Variants in ABCB1 observed in about 807,000 individuals in gnomAD.
ABCB1 encodes the protein ATP binding cassette subfamily B member 1, also known as ATP-dependent translocase ABCB1.
Under a neutral mutation model 142.0 loss-of-function variants are expected in ABCB1, and 69 were observed. The observed-to-expected ratio is 0.49, with a 90% CI of 0.40 to 0.59. ABCB1 has a LOEUF of 0.59. Among genes scored for constraint, ABCB1 ranks in the 20% least tolerant of loss-of-function variants. The pLI is 0.00. For synonymous variants in ABCB1, 532 were observed against 539.2 expected (o/e 0.99, Z 0.18); for missense variants, 1,326 against 1,554.7 (o/e 0.85, Z 2.47).
intron 3 of ABCB1, among the ~76,000 whole-genome samples, chr7:87,586,821 G>T (rs574822740): frequency 6.6e-6 from 1 of 152,252 alleles, no homozygotes; most frequent in South Asian, 2.1e-4. Context: ...AGTAATGAAT[G>T]GCAGTCCATA....
At chr7:87,634,613 T>C (rs1384589473) in intron 1 of ABCB1, among the ~76,000 whole-genome samples, 1 of 148,418 alleles carries the variant, frequency 6.7e-6, no homozygotes, top group Admixed American at 6.8e-5. Flanking sequence ...GGAGAAAGAG[T>C]GAGACTCTTG....
chr7:87,676,629 A>C (rs1388591318), intron 1 of ABCB1, among the ~76,000 whole-genome samples: 1 of 145,288 alleles, frequency 6.9e-6, no homozygotes, highest in East Asian at 2.1e-4. Context: ...GCTTGAACCT[A>C]GGAGGCAGAG....
chr7:87,546,905 T>A (rs1203931351), intron 14 of ABCB1, among the ~76,000 whole-genome samples: 1 of 152,232 alleles, frequency 6.6e-6, no homozygotes, highest in East Asian at 1.9e-4. Context: ...AGTATTTACT[T>A]CTTAGAGTAG....
chr7:87,524,261 T>C (rs777554349), intron 21 of ABCB1, among the ~76,000 whole-genome samples: 2 of 152,168 alleles, frequency 1.3e-5, no homozygotes, highest in Non-Finnish European at 2.9e-5. Flanking sequence ...GATTGAATTA[T>C]GTTTACCACA....
At chr7:87,655,596 G>A (rs1287282645) in intron 1 of ABCB1, among the ~76,000 whole-genome samples, 2 of 152,028 alleles carry the variant, frequency 1.3e-5, no homozygotes, top group Admixed American at 1.3e-4. Context: ...GTTGGTTAAA[G>A]GATATAAAAA....
intron 4 of ABCB1, among the ~76,000 whole-genome samples, chr7:87,582,595 C>T (rs537314592): frequency 6.6e-6 from 1 of 152,162 alleles, no homozygotes; most frequent in Non-Finnish European, 1.5e-5. Context: ...CAACCTTTTT[C>T]TATAAAGGGC....
intron 1 of ABCB1, among the ~76,000 whole-genome samples, chr7:87,646,218 T>C (rs1822983763): frequency 6.6e-6 from 1 of 152,232 alleles, no homozygotes; most frequent in Non-Finnish European, 1.5e-5. Flanking sequence ...GTGCATTTTG[T>C]TGACTACTGA....
chr7:87,604,264 C>G (rs1284808662), upstream of ABCB1, among the ~76,000 whole-genome samples: 4 of 152,068 alleles, frequency 2.6e-5, no homozygotes, highest in Non-Finnish European at 5.9e-5. Context: ...CCTAGCTCCT[C>G]TATTTAGCCC....
chr7:87,637,953 A>C (rs767895716), intron 1 of ABCB1, among the ~76,000 whole-genome samples: 1 of 152,088 alleles, frequency 6.6e-6, no homozygotes, highest in African/African-American at 2.4e-5. Flanking sequence ...AACGTTCAAA[A>C]TTTTATTATT....
intron 26 of ABCB1, 195 bp from the exon 27 acceptor site, chr7:87,506,238 A>C (rs1450965503): frequency 1.7e-6 from 1 of 593,278 alleles, no homozygotes; most frequent in Non-Finnish European, 3.0e-6. Flanking sequence ...TTGAAAATAA[A>C]TGTTTGGGCC....
intron 3 of ABCB1, among the ~76,000 whole-genome samples, chr7:87,594,413 T>A (rs1158580101): frequency 1.3e-5 from 2 of 152,220 alleles, no homozygotes. Context: ...CATATTTTTA[T>A]TCTTTTGTGC....
At chr7:87,696,281 G>A (rs1028744603) in intron 1 of ABCB1, among the ~76,000 whole-genome samples, 1 of 152,052 alleles carries the variant, frequency 6.6e-6, no homozygotes, top group African/African-American at 2.4e-5. Flanking sequence ...ATTTTTAAAG[G>A]AAGTCAAAGT....
intron 1 of ABCB1, among the ~76,000 whole-genome samples, chr7:87,626,281 ATGTGTCATATATG>A (rs1286049691): frequency 7.0e-5 from 4 of 57,468 alleles, no homozygotes; most frequent in Admixed American, 2.1e-4. Flanking sequence ...TGTCATATAT[ATGTGTCATATATG>A]TGTCATATAT....
At position 87,558,050 on chromosome 7, in the gene ABCB1, A is replaced by C. The variant is rs536095052; in HGVS notation, c.827+3213T>G. On this transcript the variant is annotated intron_variant, in intron 8 of 27. Transcript: ENST00000622132. ...GCACCAACCAGGTGAAGGAAGGAAA[A>C]AAACCTCCCTGAGAATCTGGACCAC... 5.3e-5 allele frequency among the ~76,000 whole-genome samples: 8 copies of C among 152,276 alleles called. 1 individual carries two copies. In the South Asian group the frequency reaches 1.7e-3, roughly 32 times the overall value.
At chr7:87,529,408 C>T (rs1261659897) in intron 21 of ABCB1, among the ~76,000 whole-genome samples, 4 of 152,122 alleles carry the variant, frequency 2.6e-5, no homozygotes, top group Non-Finnish European at 5.9e-5. Context: ...TGGTGCAGAT[C>T]CACTACTTTC....
Position 87,684,746 on chromosome 7 carries a change from CAAAAAAAAAAAAA to C in ABCB1, c.-331+28402_-331+28414del, listed in dbSNP as rs71524694. Among the ~76,000 whole-genome samples, 155 of 37,806 alleles carry C rather than the reference CAAAAAAAAAAAAA, an allele frequency of 4.1e-3. 1 individual carries two copies. The highest frequency in any genetic ancestry group is 0.024 in the Middle Eastern group (1 of 42). The allele number at this position is 37,806 out of a possible 152,430, so 24.8% of individuals were successfully genotyped here. On this transcript the variant is annotated intron_variant, in intron 1 of 28. Coordinates refer to the ABCB1 transcript ENST00000265724. ...CTGGTGACAGAGTGAGACTCCGTCT[CAAAAAAAAAAAAA>C]AAAAAAAAAAAAAAGAATAGAATAG...
At chr7:87,614,854 G>C (rs767481759) in intron 1 of ABCB1, among the ~76,000 whole-genome samples, 1 of 151,406 alleles carries the variant, frequency 6.6e-6, no homozygotes, top group Non-Finnish European at 1.5e-5. Flanking sequence ...TTTTTGGTGG[G>C]GGGGGCCGGG....
At chr7:87,544,572 A>T (rs1000618379) in intron 16 of ABCB1, among the ~76,000 whole-genome samples, 1 of 152,226 alleles carries the variant, frequency 6.6e-6, no homozygotes, top group Non-Finnish European at 1.5e-5. Context: ...AGGAGTAAAC[A>T]GAATGGAAAT....
intron 1 of ABCB1, among the ~76,000 whole-genome samples, chr7:87,636,228 C>A (rs1821757233): frequency 6.6e-6 from 1 of 152,082 alleles, no homozygotes; most frequent in Non-Finnish European, 1.5e-5. Flanking sequence ...TGTTCTGTAT[C>A]CTAACTAATG....
Sources: gnomAD v4.1 joint callset for allele counts (sites outside exome capture counted in the v4.1 genomes callset) on GRCh38, gnomAD v4.1.1 for gene constraint, MANE v1.5 for transcripts, NCBI Gene and HGNC (gene_info 2026-07-23, HGNC 2026-07-21) for gene names.